SCHIP1: variants seen among roughly 807,000 people sequenced by gnomAD.
SCHIP1 encodes schwannomin interacting protein 1, also known as schwannomin-interacting protein 1.
In SCHIP1, 8 loss-of-function variants were observed where a neutral mutation model predicts 29.7. The observed-to-expected ratio is 0.27, with a 90% CI of 0.16 to 0.49. The LOEUF (loss-of-function observed/expected upper bound fraction) is 0.49. SCHIP1 is among the 20% of genes least tolerant of loss of function. SCHIP1 has a pLI of 0.99. For missense variants in SCHIP1, 193 were observed against 294.6 expected (o/e 0.66, Z 2.52); for synonymous variants, 76 against 94.9 (o/e 0.80, Z 1.16).
chr3:159,432,339 T>TGAGA, the SCHIP1 span, among the ~76,000 whole-genome samples: 31 of 69,350 alleles, frequency 4.5e-4, no homozygotes, highest in South Asian at 1.6e-3. Context: ...TGTGTGTGTG[T>TGAGA]GAGAGAGAGA....
chr3:159,396,689 C>T, the SCHIP1 span, among the ~76,000 whole-genome samples: 157 of 152,298 alleles, frequency 1.0e-3, no homozygotes, highest in South Asian at 0.023. Context: ...CTGAGAGATC[C>T]GCTGTTAGTC....
chr3:159,629,656 T>C, the SCHIP1 span, among the ~76,000 whole-genome samples: 1 of 152,224 alleles, frequency 6.6e-6, no homozygotes, highest in Non-Finnish European at 1.5e-5. Context: ...GTGGGCTCAA[T>C]TCCACCTCCT....
chr3:159,324,488 TTAAA>T, the SCHIP1 span, among the ~76,000 whole-genome samples: 11 of 152,146 alleles, frequency 7.2e-5, no homozygotes, highest in Non-Finnish European at 1.0e-4. Context: ...TTTTCATGTG[TTAAA>T]TAATTTTTTT....
the SCHIP1 span, among the ~76,000 whole-genome samples, chr3:159,285,739 T>C: frequency 6.6e-6 from 1 of 152,140 alleles, no homozygotes; most frequent in African/African-American, 2.4e-5. Context: ...AAACTAAAAT[T>C]TCATGTTAAT....
the SCHIP1 span, among the ~76,000 whole-genome samples, chr3:159,590,475 C>T: frequency 1.3e-5 from 2 of 152,086 alleles, no homozygotes; most frequent in Non-Finnish European, 2.9e-5. Context: ...ACTTGGGAAG[C>T]TGATGCAGAA....
At chr3:159,881,026 C>T (rs1433820821) in intron 2 of SCHIP1, among the ~76,000 whole-genome samples, 10 of 152,070 alleles carry the variant, frequency 6.6e-5, no homozygotes, top group East Asian at 1.9e-4. Context: ...CAGAGTTTGC[C>T]GGATGGGAAA....
the SCHIP1 span, among the ~76,000 whole-genome samples, chr3:159,337,231 G>A: frequency 3.3e-5 from 5 of 152,018 alleles, no homozygotes; most frequent in African/African-American, 7.3e-5. Context: ...CAAACCCACA[G>A]CCAATATCAT....
chr3:159,476,470 T>A, the SCHIP1 span, among the ~76,000 whole-genome samples: 32 of 152,280 alleles, frequency 2.1e-4, no homozygotes, highest in African/African-American at 5.8e-4. Flanking sequence ...TTGCATTTGG[T>A]TGAAGAAGTT....
the SCHIP1 span, among the ~76,000 whole-genome samples, chr3:159,352,770 CT>C: frequency 1.7e-3 from 251 of 147,838 alleles, 4 homozygotes; most frequent in South Asian, 0.026. Flanking sequence ...ATTTTAATAG[CT>C]TTTTTTTTTT....
upstream of SCHIP1, chr3:159,839,783 A>G: frequency 1.3e-6 from 1 of 774,222 alleles, no homozygotes; most frequent in Non-Finnish European, 1.8e-6. Flanking sequence ...TTTCTCGTTA[A>G]TGAGGACTAG....
chr3:159,666,332 C>T, the SCHIP1 span, among the ~76,000 whole-genome samples: 1 of 152,182 alleles, frequency 6.6e-6, no homozygotes, highest in African/African-American at 2.4e-5. Context: ...TAATACTGTA[C>T]ATTCACTTTT....
At chr3:159,543,324 G>T in the SCHIP1 span, among the ~76,000 whole-genome samples, 1 of 145,014 alleles carries the variant, frequency 6.9e-6, no homozygotes, top group South Asian at 2.2e-4. Context: ...TCGTCATTTA[G>T]CATTAGGTAT....
At chr3:159,461,303 T>C in the SCHIP1 span, among the ~76,000 whole-genome samples, 2 of 152,056 alleles carry the variant, frequency 1.3e-5, no homozygotes, top group Admixed American at 1.3e-4. Context: ...AAACCCACCA[T>C]ACCTACCACT....
At chr3:159,678,898 C>G in the SCHIP1 span, among the ~76,000 whole-genome samples, 1 of 152,146 alleles carries the variant, frequency 6.6e-6, no homozygotes, top group African/African-American at 2.4e-5. Flanking sequence ...CTCACTATCA[C>G]GAGAACAGTA....
At chr3:159,326,605 G>A in the SCHIP1 span, among the ~76,000 whole-genome samples, 1 of 152,108 alleles carries the variant, frequency 6.6e-6, no homozygotes, top group African/African-American at 2.4e-5. Flanking sequence ...AAATTATGAA[G>A]ATGATATTAA....
chr3:159,445,639 C>A, the SCHIP1 span, among the ~76,000 whole-genome samples: 10 of 152,100 alleles, frequency 6.6e-5, no homozygotes, highest in Non-Finnish European at 1.3e-4. Flanking sequence ...AATGTCCAAC[C>A]ATGATAGACT....
the SCHIP1 span, among the ~76,000 whole-genome samples, chr3:159,785,585 T>TG: frequency 6.6e-6 from 1 of 151,910 alleles, no homozygotes; most frequent in Admixed American, 6.5e-5. Context: ...GTTGGTTTTT[T>TG]TTTTTTTTTT....
chr3:159,315,139 T>C, the SCHIP1 span, among the ~76,000 whole-genome samples: 1 of 152,076 alleles, frequency 6.6e-6, no homozygotes, highest in Non-Finnish European at 1.5e-5. Context: ...GTATGAGAGT[T>C]ATAGTTGCTC....
intron 2 of SCHIP1, among the ~76,000 whole-genome samples, chr3:159,876,768 G>T (rs1391967020): frequency 6.6e-6 from 1 of 152,210 alleles, no homozygotes; most frequent in Non-Finnish European, 1.5e-5. Context: ...GGTGAAACAT[G>T]TTGGCAAATG....
Sources: allele counts gnomAD v4.1 joint callset (sites outside exome capture counted in the v4.1 genomes callset), GRCh38; gene constraint gnomAD v4.1.1; transcripts MANE v1.5; gene names NCBI Gene and HGNC (gene_info 2026-07-23, HGNC 2026-07-21).